Variants in ESRRG observed in about 807,000 individuals in gnomAD.
The protein encoded by ESRRG is estrogen related receptor gamma, also known as estrogen-related receptor gamma.
A neutral mutation model predicts 44.0 loss-of-function variants in ESRRG; 13 were observed. The observed-to-expected ratio is 0.30, with a 90% confidence interval of 0.19 to 0.47. The LOEUF (loss-of-function observed/expected upper bound fraction) is 0.47, where lower values mean the gene tolerates loss of function less well. Ranked by LOEUF, ESRRG falls within the 20% of genes least tolerant of loss-of-function variation. The pLI is 1.00. For synonymous variants in ESRRG, 215 were observed against 214.6 expected, an observed-to-expected ratio of 1.00 and a Z score of -0.02; for missense variants, 395 against 580.6, an observed-to-expected ratio of 0.68 and a Z score of 3.29.
chr1:216,542,554 T>C (rs772701198), intron 5 of ESRRG, among the ~76,000 whole-genome samples: 14 of 152,022 alleles, frequency 9.2e-5, no homozygotes, highest in Non-Finnish European at 1.8e-4. Flanking sequence ...TATACTTCAA[T>C]AATATTCAGA....
chr1:216,536,297 C>T (rs934987390), intron 5 of ESRRG, among the ~76,000 whole-genome samples: 2 of 152,070 alleles, frequency 1.3e-5, no homozygotes, highest in African/African-American at 2.4e-5. Flanking sequence ...CAAAATGTCT[C>T]ATTGGCAACT....
intron 2 of ESRRG, among the ~76,000 whole-genome samples, chr1:216,898,550 AG>A (rs777619989): frequency 4.1e-4 from 63 of 152,292 alleles, no homozygotes; most frequent in Non-Finnish European, 7.5e-4. Context: ...TCCAGGAGGC[AG>A]AGGCAGCAGT....
At position 216,519,143 on chromosome 1, in the gene ESRRG, T is replaced by A. The variant is rs1419623486; in HGVS notation, c.1132+9A>T. 1.2e-6 allele frequency: 2 copies of A among 1,611,060 alleles called. No individual in the cohort carries two copies. Among genetic ancestry groups the A allele is most frequent in the South Asian group, 2.2e-5 (2 of 90,906 alleles). On this transcript the variant is annotated intron_variant, in intron 6 of 6. Coordinates refer to ENST00000408911, the MANE Select transcript of ESRRG (RefSeq NM_001438.4). Reference sequence around the variant, plus strand: ...AAAAATGTAACAATGACTATGTCAGTATGCCAACCTGAATTAGCAAGAGCT... The same window carrying A: ...AAAAATGTAACAATGACTATGTCAGAATGCCAACCTGAATTAGCAAGAGCT...
intron 2 of ESRRG, among the ~76,000 whole-genome samples, chr1:216,730,305 T>TAAAAAAAAAAAAAAA (rs11445965): frequency 4.9e-5 from 6 of 121,402 alleles, no homozygotes; most frequent in Non-Finnish European, 6.8e-5. Flanking sequence ...CTTAGAAAGG[T>TAAAAAAAAAAAAAAA]AAAAAAAAAA....
intron 1 of ESRRG, among the ~76,000 whole-genome samples, chr1:216,990,963 A>C (rs1012859807): frequency 2.6e-5 from 4 of 151,902 alleles, no homozygotes; most frequent in African/African-American, 9.7e-5. Flanking sequence ...CCCCATATAC[A>C]TCCATGGCCT....
intron 1 of ESRRG, chr1:216,714,630 G>A: frequency 1.2e-6 from 1 of 802,772 alleles, no homozygotes; most frequent in Non-Finnish European, 1.5e-6. Context: ...TTAAAGTTTT[G>A]TTCACTATAA....
intron 2 of ESRRG, among the ~76,000 whole-genome samples, chr1:216,658,873 G>T (rs1195924262): frequency 1.1e-5 from 1 of 88,358 alleles, no homozygotes; most frequent in Non-Finnish European, 3.1e-5. Flanking sequence ...GAGAAGAGAA[G>T]AGAAGAGAAG....
At chr1:217,021,109 C>T (rs12724974) in intron 1 of ESRRG, among the ~76,000 whole-genome samples, 22,366 of 151,442 alleles carry the variant, frequency 0.15, 2,151 homozygotes, top group East Asian at 0.2. Flanking sequence ...CACTCACTCA[C>T]ACAAGGGAGA....
chr1:216,562,013 A>G (rs1409312154), intron 5 of ESRRG, among the ~76,000 whole-genome samples: 1 of 152,190 alleles, frequency 6.6e-6, no homozygotes. Flanking sequence ...CTTTACTGTG[A>G]CAAGTCCCTT....
intron 1 of ESRRG, among the ~76,000 whole-genome samples, chr1:217,052,037 C>A (rs916500607): frequency 6.6e-6 from 1 of 152,094 alleles, no homozygotes; most frequent in African/African-American, 2.4e-5. Context: ...TGCTAAGTTG[C>A]CCAGATTACA....
At chr1:216,584,384 G>T (rs987862608) in intron 3 of ESRRG, among the ~76,000 whole-genome samples, 1 of 151,716 alleles carries the variant, frequency 6.6e-6, no homozygotes, top group African/African-American at 2.4e-5. Flanking sequence ...AGCCTCCCGA[G>T]TAGCTGGGAC....
intron 1 of ESRRG, among the ~76,000 whole-genome samples, chr1:217,043,237 A>G (rs1035603967): frequency 1.3e-5 from 2 of 152,072 alleles, no homozygotes; most frequent in African/African-American, 4.8e-5. Flanking sequence ...CCAATCCTAG[A>G]CCCAGCAAAG....
chr1:216,819,996 C>T (rs1454343614), intron 2 of ESRRG, among the ~76,000 whole-genome samples: 1 of 152,136 alleles, frequency 6.6e-6, no homozygotes, highest in Non-Finnish European at 1.5e-5. Context: ...GGGCATATGG[C>T]AGAGGAGAGA....
At chr1:216,903,626 C>T (rs1245086936) in intron 2 of ESRRG, among the ~76,000 whole-genome samples, 2 of 151,560 alleles carry the variant, frequency 1.3e-5, no homozygotes, top group Non-Finnish European at 2.9e-5. Context: ...CCTATATACT[C>T]AGGGGATAGA....
rs192762812 is a variant in ESRRG at position 216,567,964 on chromosome 1, G to A, written c.700+24C>T. 1.2e-4 allele frequency: 173 copies of A among 1,499,964 alleles called. No individual in the cohort carries two copies. In the East Asian group the frequency reaches 3.0e-3, roughly 26 times the overall value. 92.9% of individuals were successfully genotyped at this position (1,499,964 alleles called of 1,614,324 possible). A position where few individuals can be genotyped will look rare whatever the true frequency, so the allele number is the denominator to read the frequency against. On this transcript the variant is annotated intron_variant, in intron 4 of 6. Transcript: ENST00000408911. ...CTGGGAGGATTTCGTGTTCTGGGAA[G>A]CCAGACACATCTGCTGTACTTACAT... is the stretch of plus-strand genomic sequence containing the variant.
rs146407298 is a variant in ESRRG at position 217,104,460 on chromosome 1, T to C, written c.-230+33207A>G. Reference sequence around the variant, plus strand: ...ATGGCTCTATCACTCACCAGCCGAGTGGCCTTGGGTAATTCAACTATCTGA... The same window carrying C: ...ATGGCTCTATCACTCACCAGCCGAGCGGCCTTGGGTAATTCAACTATCTGA... On this transcript the variant is annotated intron_variant, in intron 1 of 8. Coordinates refer to the ESRRG transcript ENST00000366940. Among the ~76,000 whole-genome samples, 344 of 152,284 alleles carry C rather than the reference T, an allele frequency of 2.3e-3. 2 individuals carry two copies. Among genetic ancestry groups the C allele is most frequent in the African/African-American group, 7.8e-3 (325 of 41,562 alleles).
intron 2 of ESRRG, among the ~76,000 whole-genome samples, chr1:216,830,240 C>G (rs2095466667): frequency 6.6e-6 from 1 of 152,214 alleles, no homozygotes; most frequent in South Asian, 2.1e-4. Context: ...AAATACGACT[C>G]AGCCAAATTT....
At chr1:216,622,617 C>CAA (rs2062446476) in intron 3 of ESRRG, among the ~76,000 whole-genome samples, 1 of 150,302 alleles carries the variant, frequency 6.7e-6, no homozygotes, top group African/African-American at 2.4e-5. Flanking sequence ...ATTACACACA[C>CAA]GCACACACAC....
At chr1:216,672,654 G>C (rs979042881) in intron 2 of ESRRG, among the ~76,000 whole-genome samples, 1 of 152,136 alleles carries the variant, frequency 6.6e-6, no homozygotes, top group African/African-American at 2.4e-5. Flanking sequence ...GATCATTTGA[G>C]GCTAGGAGTT....
Sources: gnomAD v4.1 joint callset for allele counts (sites outside exome capture counted in the v4.1 genomes callset) on GRCh38, gnomAD v4.1.1 for gene constraint, MANE v1.5 for transcripts, NCBI Gene and HGNC (gene_info 2026-07-23, HGNC 2026-07-21) for gene names.